Variants in GRIK4 observed in about 807,000 individuals in gnomAD.
GRIK4 encodes the protein glutamate receptor ionotropic, kainate 4.
GRIK4 carries 40 observed loss-of-function variants against 104.9 expected under a neutral mutation model. The ratio of observed to expected loss-of-function variants is 0.38; its 90% CI spans 0.30 to 0.50. The LOEUF (loss-of-function observed/expected upper bound fraction) is 0.50. Among genes scored for constraint, GRIK4 ranks in the 20% least tolerant of loss-of-function variants. The pLI is 0.93. For missense variants in GRIK4, 1,047 were observed against 1,308.1 expected (o/e 0.80, Z 3.08); for synonymous variants, 485 against 524.9 (o/e 0.92, Z 1.04).
chr11:120,704,612 AT>A (rs752377975), intron 3 of GRIK4, among the ~76,000 whole-genome samples: 17 of 152,156 alleles, frequency 1.1e-4, no homozygotes, highest in Non-Finnish European at 1.9e-4. Context: ...GAGGATAGAC[AT>A]TTTTGCTTGC....
intron 11 of GRIK4, among the ~76,000 whole-genome samples, chr11:120,890,102 A>G (rs1955242030): frequency 6.6e-6 from 1 of 152,094 alleles, no homozygotes; most frequent in Admixed American, 6.5e-5. Context: ...TTCCCACCAA[A>G]TATACAATGG....
At chr11:120,885,563 T>G (rs1955093936) in intron 11 of GRIK4, among the ~76,000 whole-genome samples, 1 of 152,086 alleles carries the variant, frequency 6.6e-6, no homozygotes, top group African/African-American at 2.4e-5. Context: ...TTTTTGTATT[T>G]TAGTAGAGAT....
chr11:120,924,696 C>T lies in GRIK4; in HGVS notation c.1477-15651C>T. The stretch of plus-strand genomic sequence containing the variant: ...ATTCTCCTCATCTCTAAATAGGTTA[C>T]TGCCAACCTTAGACGTTGCTGTGGG... On this transcript the variant is annotated intron_variant, in intron 13 of 20. Transcript: ENST00000527524. Among the ~76,000 whole-genome samples, 2 of 152,162 alleles carry T rather than the reference C, an allele frequency of 1.3e-5. 1 individual carries two copies. Among genetic ancestry groups the T allele is most frequent in the Middle Eastern group, 6.3e-3 (2 of 316 alleles).
chr11:120,699,097 G>GTGTCATA (rs1950506690), intron 3 of GRIK4, among the ~76,000 whole-genome samples: 1 of 152,156 alleles, frequency 6.6e-6, no homozygotes, highest in Non-Finnish European at 1.5e-5. Context: ...CATATTTCCC[G>GTGTCATA]TTGCCACTGG....
In GRIK4 at chr11:120,940,297, C is replaced by A; in HGVS notation, c.1477-50C>A. On this transcript the variant is annotated intron_variant, in intron 13 of 20. Transcript: ENST00000527524. The surrounding 1 kb of genome is among the most constrained non-coding windows in gnomAD (Gnocchi z 4.3). Reference sequence around the variant, plus strand: ...CGGTTGCTGGTCGCAAGTCTCTGTGCCTCTTCTCCTATGGCCACCCCACTG... The same window carrying A: ...CGGTTGCTGGTCGCAAGTCTCTGTGACTCTTCTCCTATGGCCACCCCACTG... The A allele has an allele frequency of 8.9e-7, 1 of 1,128,138 alleles. No homozygotes were observed. Among genetic ancestry groups the A allele is most frequent in the Non-Finnish European group, 1.3e-6 (1 of 748,310 alleles). The allele number at this position is 1,128,138 out of a possible 1,614,324, so 69.9% of individuals were successfully genotyped here.
At chr11:120,826,065 G>T (rs529496503) in intron 6 of GRIK4, among the ~76,000 whole-genome samples, 15 of 152,300 alleles carry the variant, frequency 9.8e-5, no homozygotes, top group African/African-American at 3.4e-4. Flanking sequence ...CTTACTACGT[G>T]CCCAACACCA....
chr11:120,881,576 G>A (rs887337685), intron 11 of GRIK4, among the ~76,000 whole-genome samples: 25 of 152,198 alleles, frequency 1.6e-4, no homozygotes, highest in African/African-American at 6.0e-4. Flanking sequence ...GAGGATGGAT[G>A]AGATGGCTTT....
intron 3 of GRIK4, among the ~76,000 whole-genome samples, chr11:120,741,299 G>C (rs1396295549): frequency 4.0e-5 from 1 of 24,910 alleles, no homozygotes; most frequent in Non-Finnish European, 8.7e-5. Context: ...TTTTTTTTTT[G>C]AGACGGAGTC....
chr11:120,624,276 A>G (rs912355343), intron 1 of GRIK4, among the ~76,000 whole-genome samples: 1 of 152,106 alleles, frequency 6.6e-6, no homozygotes, highest in Non-Finnish European at 1.5e-5. Flanking sequence ...AGAGAGCTCA[A>G]GAGCGGACTG....
At chr11:120,895,336 C>T (rs938649907) in intron 11 of GRIK4, among the ~76,000 whole-genome samples, 5 of 152,106 alleles carry the variant, frequency 3.3e-5, no homozygotes, top group Non-Finnish European at 7.4e-5. Flanking sequence ...CCATACATCC[C>T]AGTGCTGACA....
chr11:120,637,539 T>C (rs1949414178), intron 1 of GRIK4, among the ~76,000 whole-genome samples: 1 of 152,216 alleles, frequency 6.6e-6, no homozygotes, highest in Middle Eastern at 3.2e-3. Flanking sequence ...AAAGCAGGAC[T>C]GCTTCCCCTA....
rs146987730 is a variant in GRIK4 at position 120,935,701 on chromosome 11, A to T, written c.1477-4646A>T. On this transcript the variant is annotated intron_variant, in intron 13 of 20. Coordinates refer to ENST00000527524, the MANE Select transcript of GRIK4 (RefSeq NM_014619.5). The stretch of plus-strand genomic sequence containing the variant: ...AGTTATCATGTGTAAGCTTCATCGG[A>T]GTCAACTAAAGATGAATAAGCCACC... Among the ~76,000 whole-genome samples the T allele has an allele frequency of 4.6e-5, 7 of 152,324 alleles. 1 individual carries two copies. The East Asian group carries it at 1.3e-3, about 29-fold the overall frequency.
intron 8 of GRIK4, among the ~76,000 whole-genome samples, chr11:120,847,776 T>C (rs1953885413): frequency 6.6e-6 from 1 of 152,222 alleles, no homozygotes; most frequent in Non-Finnish European, 1.5e-5. Flanking sequence ...CAAGTGGACC[T>C]GAGTTAGCAC....
At chr11:120,862,614 C>T (rs887603821) in intron 9 of GRIK4, among the ~76,000 whole-genome samples, 2 of 152,134 alleles carry the variant, frequency 1.3e-5, no homozygotes, top group Non-Finnish European at 2.9e-5. Context: ...GCTCTGTCCA[C>T]CCCCTGGCCA....
intron 3 of GRIK4, among the ~76,000 whole-genome samples, chr11:120,720,458 C>T (rs1950911513): frequency 6.6e-6 from 1 of 152,162 alleles, no homozygotes; most frequent in East Asian, 1.9e-4. Flanking sequence ...GGATAAGGAG[C>T]TATTTGGGAT....
In GRIK4 at chr11:120,585,356, CT is replaced by C. The variant is rs1253218420; in HGVS notation, c.-158-68320del. Reference sequence around the variant, plus strand: ...CCCTCTCTCTCTCTTTTTTTTTTTTCTTTTTTTTTGTGAGACAGAGTCTCAC... The same window carrying C: ...CCCTCTCTCTCTCTTTTTTTTTTTTCTTTTTTTTGTGAGACAGAGTCTCAC... On this transcript the variant is annotated intron_variant, in intron 1 of 20. Transcript: ENST00000527524. Among the ~76,000 whole-genome samples the C allele has an allele frequency of 9.9e-5, 12 of 121,166 alleles. No individual in the cohort carries two copies. The South Asian group carries it at 1.9e-3, about 19-fold the overall frequency. The allele number at this position is 121,166 out of a possible 152,430, so 79.5% of individuals were successfully genotyped here.
intron 1 of GRIK4, among the ~76,000 whole-genome samples, chr11:120,564,213 C>G (rs1225340175): frequency 1.3e-5 from 2 of 152,248 alleles, no homozygotes; most frequent in African/African-American, 4.8e-5. Context: ...CCCGCTCAGA[C>G]GGCACCAGGC....
At chr11:120,706,895 C>T (rs1411488553) in intron 3 of GRIK4, among the ~76,000 whole-genome samples, 1 of 152,078 alleles carries the variant, frequency 6.6e-6, no homozygotes, top group African/African-American at 2.4e-5. Flanking sequence ...TTGTTAGGAT[C>T]ACCATATGAA....
At position 120,513,612 on chromosome 11, in the gene GRIK4, A is replaced by T. The variant is rs1399282918; in HGVS notation, c.-159+1725A>T. Among the ~76,000 whole-genome samples the T allele has an allele frequency of 6.6e-6, 1 of 152,184 alleles. No individual in the cohort carries two copies. Among genetic ancestry groups the T allele is most frequent in the Non-Finnish European group, 1.5e-5 (1 of 68,038 alleles). The stretch of plus-strand genomic sequence containing the variant: ...TTCGGAGAGTTAATCTAATATGCAC[A>T]CATTACAGTGTCTGGGTTTGTTTAA... On this transcript the variant is annotated intron_variant, in intron 1 of 20. Transcript: ENST00000527524. This position sits in a 1 kb window ranked among gnomAD's most constrained non-coding sequence, Gnocchi z 4.5.
Sources: allele counts gnomAD v4.1 joint callset (sites outside exome capture counted in the v4.1 genomes callset), GRCh38; gene constraint gnomAD v4.1.1; non-coding constraint Gnocchi (gnomAD v3.1); transcripts MANE v1.5; gene names NCBI Gene and HGNC (gene_info 2026-07-23, HGNC 2026-07-21).